DOCK9: variants seen among roughly 807,000 people sequenced by gnomAD.
DOCK9 encodes dedicator of cytokinesis 9, also known as dedicator of cytokinesis protein 9.
DOCK9 carries 89 observed loss-of-function variants against 263.3 expected under a neutral mutation model. The ratio of observed to expected loss-of-function variants is 0.34; its 90% CI spans 0.28 to 0.40. The LOEUF (loss-of-function observed/expected upper bound fraction) is 0.40, where lower values mean the gene tolerates loss of function less well. DOCK9 is among the 10% of genes least tolerant of loss of function. The pLI is 1.00. For synonymous variants in DOCK9, 976 were observed against 973.1 expected (o/e 1.00, Z -0.06); for missense variants, 2,140 against 2,603.4 (o/e 0.82, Z 3.87).
chr13:98,845,282 A>G, intron 38 of DOCK9: 1 of 1,316,920 alleles, frequency 7.6e-7, no homozygotes, highest in Non-Finnish European at 1.0e-6. Flanking sequence ...CTTGGCTTGC[A>G]AGTGAAGCAA....
At chr13:98,976,776 A>G (rs2060317954) in intron 1 of DOCK9, among the ~76,000 whole-genome samples, 1 of 152,240 alleles carries the variant, frequency 6.6e-6, no homozygotes, top group Admixed American at 6.5e-5. Context: ...TTTGAAGGCA[A>G]TAAAATATAG....
intron 1 of DOCK9, among the ~76,000 whole-genome samples, chr13:98,996,891 AGTT>A (rs2141781889): frequency 6.6e-6 from 1 of 152,346 alleles, no homozygotes; most frequent in South Asian, 2.1e-4. Context: ...CAAACAGCAT[AGTT>A]TTACCCCAAA....
At chr13:98,940,671 T>TG (rs749869427) in intron 2 of DOCK9, among the ~76,000 whole-genome samples, 5 of 149,366 alleles carry the variant, frequency 3.3e-5, no homozygotes, top group African/African-American at 4.9e-5. Flanking sequence ...GGTCTTGAGG[T>TG]GGGGGGGCCT....
At chr13:99,001,054 G>A (rs765575666) in intron 1 of DOCK9, among the ~76,000 whole-genome samples, 5 of 152,178 alleles carry the variant, frequency 3.3e-5, no homozygotes, top group Middle Eastern at 3.2e-3. Context: ...CCCTGGTGGC[G>A]TCAGCACTTA....
intron 1 of DOCK9, among the ~76,000 whole-genome samples, chr13:98,992,025 C>T (rs1173495653): frequency 6.6e-6 from 1 of 151,886 alleles, no homozygotes; most frequent in East Asian, 1.9e-4. Context: ...CATGGAAGAC[C>T]ACCGCATGTA....
intron 1 of DOCK9, among the ~76,000 whole-genome samples, chr13:99,008,212 C>CA (rs1883738917): frequency 1.3e-5 from 1 of 79,166 alleles, no homozygotes; most frequent in South Asian, 4.8e-4. Context: ...CTCTCTCTCT[C>CA]TATATATATA....
Position 98,808,506 on chromosome 13 carries a change from GA to G in DOCK9, c.5368-700del, listed in dbSNP as rs1594196764. The G allele has an allele frequency of 4.5e-6, 3 of 668,108 alleles. No homozygotes were observed. The East Asian group carries it at 8.5e-5, about 19-fold the overall frequency. 41.4% of individuals were successfully genotyped at this position (668,108 alleles called of 1,614,324 possible). ...TTAAAGTTTCTCACGTAAATTAAGA[GA>G]GAGAAAATGGTGCACAAAACAGTAA... is the stretch of plus-strand genomic sequence containing the variant. On this transcript the variant is annotated intron_variant, in intron 47 of 52. Coordinates refer to ENST00000682017, the MANE Select transcript of DOCK9 (RefSeq NM_001366683.2).
chr13:98,993,153 T>A (rs529750051), intron 1 of DOCK9, among the ~76,000 whole-genome samples: 1 of 152,204 alleles, frequency 6.6e-6, no homozygotes, highest in African/African-American at 2.4e-5. Context: ...CCACAGCATA[T>A]GCAGTAATAA....
At chr13:99,015,352 T>C in intron 1 of DOCK9, 1 of 1,120,450 alleles carries the variant, frequency 8.9e-7, no homozygotes, top group Admixed American at 3.0e-5. Context: ...TACATACATA[T>C]AAGTACACTT....
intron 1 of DOCK9, among the ~76,000 whole-genome samples, chr13:99,079,761 C>A (rs1171742791): frequency 6.6e-6 from 1 of 152,098 alleles, no homozygotes; most frequent in African/African-American, 2.4e-5. Flanking sequence ...CTCTCCAGGC[C>A]GGGCGTGGTG....
intron 9 of DOCK9, among the ~76,000 whole-genome samples, chr13:98,906,279 G>A (rs1450189059): frequency 2.0e-5 from 3 of 151,990 alleles, no homozygotes; most frequent in Non-Finnish European, 2.9e-5. Flanking sequence ...AAATCCTGGG[G>A]GCCCAACATT....
Position 99,049,243 on chromosome 13 carries a change from A to G in DOCK9, c.129+36980T>C, listed in dbSNP as rs550113772. ...ATGTTTACAGTACTTCTGAATCCAC[A>G]TACCTTATCACCCCTCACCTTCCAA... On this transcript the variant is annotated intron_variant, in intron 1 of 32. Coordinates refer to the DOCK9 transcript ENST00000427887. 5.0e-4 allele frequency among the ~76,000 whole-genome samples: 76 copies of G among 152,310 alleles called. 1 individual carries two copies. In the Middle Eastern group the frequency reaches 0.034, roughly 68 times the overall value.
chr13:98,956,230 G>T (rs2058048111), intron 1 of DOCK9, among the ~76,000 whole-genome samples: 1 of 152,178 alleles, frequency 6.6e-6, no homozygotes, highest in South Asian at 2.1e-4. Flanking sequence ...GAGGTAACGA[G>T]TAAGTAGGGA....
chr13:98,868,460 T>C, intron 27 of DOCK9, 83 bp from the exon 28 acceptor site: 3 of 1,447,870 alleles, frequency 2.1e-6, no homozygotes, highest in Non-Finnish European at 1.8e-6. Flanking sequence ...CCTGAGTCCA[T>C]CTTAAAAAAC....
At chr13:99,018,183 T>G (rs756837385) in intron 1 of DOCK9, among the ~76,000 whole-genome samples, 4 of 152,238 alleles carry the variant, frequency 2.6e-5, no homozygotes, top group Non-Finnish European at 5.9e-5. Context: ...AGTTAGAAAC[T>G]TAATCTTCAA....
chr13:99,013,647 C>T (rs1221735646), intron 1 of DOCK9, among the ~76,000 whole-genome samples: 1 of 152,120 alleles, frequency 6.6e-6, no homozygotes, highest in Admixed American at 6.5e-5. Context: ...GGTGCAATCC[C>T]TGGTGGAGAT....
At chr13:98,866,905 T>G (rs2094043127) in intron 30 of DOCK9, among the ~76,000 whole-genome samples, 1 of 152,176 alleles carries the variant, frequency 6.6e-6, no homozygotes, top group Non-Finnish European at 1.5e-5. Flanking sequence ...TTAGTTCCAG[T>G]GAAAAAATTC....
upstream of DOCK9, among the ~76,000 whole-genome samples, chr13:98,978,485 G>C (rs117165506): frequency 6.6e-6 from 1 of 152,156 alleles, no homozygotes; most frequent in African/African-American, 2.4e-5. Context: ...CCTGCACCTC[G>C]TGGATACAGG....
intron 1 of DOCK9, among the ~76,000 whole-genome samples, chr13:99,056,873 C>A (rs907121703): frequency 2.6e-5 from 4 of 152,192 alleles, no homozygotes; most frequent in Non-Finnish European, 4.4e-5. Context: ...AGGAGCCATG[C>A]GTACAGCAGC....
Sources: gnomAD v4.1 joint callset for allele counts (sites outside exome capture counted in the v4.1 genomes callset) on GRCh38, gnomAD v4.1.1 for gene constraint, MANE v1.5 for transcripts, NCBI Gene and HGNC (gene_info 2026-07-23, HGNC 2026-07-21) for gene names.